Variants in SEMA3E observed in about 807,000 individuals in gnomAD.
SEMA3E encodes semaphorin 3E.
In SEMA3E, 49 loss-of-function variants were observed where a neutral mutation model predicts 93.6. That is an observed-to-expected ratio of 0.52 (90% CI 0.42 to 0.66). SEMA3E has a LOEUF of 0.66. Among genes scored for constraint, SEMA3E ranks in the 30% least tolerant of loss-of-function variants. The pLI is 0.00. For synonymous variants in SEMA3E, 363 were observed against 330.7 expected (o/e 1.10, Z -1.06); for missense variants, 906 against 964.8 (o/e 0.94, Z 0.81).
At chr7:83,629,181 C>A (rs1793735818) in intron 1 of SEMA3E, among the ~76,000 whole-genome samples, 2 of 152,302 alleles carry the variant, frequency 1.3e-5, no homozygotes, top group Middle Eastern at 3.4e-3. Flanking sequence ...CCTCTGGAAG[C>A]TTCATCTGAG....
intron 1 of SEMA3E, among the ~76,000 whole-genome samples, chr7:83,517,436 C>T (rs1790953593): frequency 6.6e-6 from 1 of 152,102 alleles, no homozygotes; most frequent in Non-Finnish European, 1.5e-5. Flanking sequence ...TGCAATTATA[C>T]TCTAGGAAAT....
intron 1 of SEMA3E, among the ~76,000 whole-genome samples, chr7:83,634,346 G>A (rs905725528): frequency 2.6e-5 from 4 of 151,808 alleles, no homozygotes; most frequent in African/African-American, 7.3e-5. Context: ...TTTTATTCTT[G>A]TTTAACTTTA....
chr7:83,537,632 A>G (rs1467088703), intron 1 of SEMA3E, among the ~76,000 whole-genome samples: 1 of 152,160 alleles, frequency 6.6e-6, no homozygotes, highest in African/African-American at 2.4e-5. Flanking sequence ...GTTTACCTTC[A>G]ATCTCTAAAC....
intron 1 of SEMA3E, among the ~76,000 whole-genome samples, chr7:83,524,982 T>A (rs1166459146): frequency 6.6e-6 from 1 of 151,984 alleles, no homozygotes; most frequent in Non-Finnish European, 1.5e-5. Flanking sequence ...TCTTTCTGGA[T>A]TGGCTACTCT....
chr7:83,470,842 G>T (rs960106836), intron 2 of SEMA3E, among the ~76,000 whole-genome samples: 3 of 144,972 alleles, frequency 2.1e-5, no homozygotes, highest in African/African-American at 5.1e-5. Context: ...TAATGTTAAG[G>T]TGTGGTTCCC....
chr7:83,593,695 A>T (rs2115955700), intron 1 of SEMA3E, among the ~76,000 whole-genome samples: 1 of 152,100 alleles, frequency 6.6e-6, no homozygotes, highest in African/African-American at 2.4e-5. Flanking sequence ...CATTTTAAAC[A>T]GACTGAATTT....
At chr7:83,576,472 C>T (rs1792403808) in intron 1 of SEMA3E, among the ~76,000 whole-genome samples, 1 of 151,454 alleles carries the variant, frequency 6.6e-6, no homozygotes, top group Non-Finnish European at 1.5e-5. Context: ...CATGGAATGA[C>T]TACAACTTAC....
intron 1 of SEMA3E, among the ~76,000 whole-genome samples, chr7:83,562,796 A>C (rs1384216501): frequency 6.6e-6 from 1 of 152,062 alleles, no homozygotes; most frequent in African/African-American, 2.4e-5. Context: ...ATCATATCCA[A>C]TCTATCTCCA....
chr7:83,623,000 A>G (rs1249407439), intron 1 of SEMA3E, among the ~76,000 whole-genome samples: 1 of 152,158 alleles, frequency 6.6e-6, no homozygotes, highest in Non-Finnish European at 1.5e-5. Flanking sequence ...AAGTTGATAA[A>G]TAAATAAAAA....
intron 14 of SEMA3E, among the ~76,000 whole-genome samples, chr7:83,391,237 A>G (rs1788011921): frequency 6.6e-6 from 1 of 152,152 alleles, no homozygotes; most frequent in African/African-American, 2.4e-5. Flanking sequence ...AGAATTAAAT[A>G]AAGTATTATA....
intron 16 of SEMA3E, among the ~76,000 whole-genome samples, chr7:83,381,734 C>A (rs755157012): frequency 1.3e-5 from 2 of 151,866 alleles, no homozygotes; most frequent in African/African-American, 4.8e-5. Flanking sequence ...AGATGGAGTA[C>A]TCTGTATTTT....
At chr7:83,641,340 C>G in intron 1 of SEMA3E, 2 of 982,478 alleles carry the variant, frequency 2.0e-6, no homozygotes, top group Non-Finnish European at 2.4e-6. Context: ...ACCTGTTCAT[C>G]TAAGGGAAGG....
At chr7:83,637,678 T>A (rs1344435507) in intron 1 of SEMA3E, among the ~76,000 whole-genome samples, 3 of 152,090 alleles carry the variant, frequency 2.0e-5, no homozygotes, top group African/African-American at 7.3e-5. Flanking sequence ...GAAGGATGTG[T>A]TTGCTTCCCC....
At position 83,405,525 on chromosome 7, in the gene SEMA3E, A is replaced by G; in HGVS notation, c.929-6T>C. 2 of 1,612,196 alleles carry G rather than the reference A, an allele frequency of 1.2e-6. No individual in the cohort carries two copies. The highest frequency in any genetic ancestry group is 1.7e-6 in the Non-Finnish European group (2 of 1,178,542). On this transcript the variant is annotated splice_polypyrimidine_tract_variant and splice_region_variant and intron_variant, in intron 8 of 16. Transcript: ENST00000643230. ...AGGTAGCAAAAAAACGTCCTCTGAA[A>G]AATTAAAGGCCATTCCATCGCTTAG...
At chr7:83,639,089 C>T (rs1336059734) in intron 1 of SEMA3E, among the ~76,000 whole-genome samples, 4 of 107,924 alleles carry the variant, frequency 3.7e-5, no homozygotes, top group Admixed American at 1.4e-4. Context: ...CCAGCCTGGG[C>T]GACAGAGCGA....
Position 83,416,480 on chromosome 7 carries a change from T to C in SEMA3E, c.550+1910A>G, listed in dbSNP as rs995980386. Among the ~76,000 whole-genome samples the C allele has an allele frequency of 4.6e-5, 7 of 152,218 alleles. No individual in the cohort carries two copies. In the East Asian group the frequency reaches 1.4e-3, roughly 29 times the overall value. On this transcript the variant is annotated intron_variant, in intron 5 of 16. Transcript: ENST00000643230. ...TGAGTAGTGAGTGGCAAGGTGGTCA[T>C]AGAAATTATTATTAACTCTTTAAAT...
At chr7:83,396,089 T>TA (rs2115597788) in intron 12 of SEMA3E, among the ~76,000 whole-genome samples, 1 of 151,152 alleles carries the variant, frequency 6.6e-6, no homozygotes, top group East Asian at 2.0e-4. Context: ...ATATGTGCAT[T>TA]TATATATATG....
intron 1 of SEMA3E, among the ~76,000 whole-genome samples, chr7:83,546,321 GGTGTGTGTGTGTGTGTGTGTGTGT>G (rs67647992): frequency 7.7e-6 from 1 of 129,406 alleles, no homozygotes; most frequent in African/African-American, 2.8e-5. Flanking sequence ...TATAATAAGG[GGTGTGTGTGTGTGTGTGTGTGTGT>G]GTGTGTGTGT....
chr7:83,543,296 T>C (rs753791255), intron 1 of SEMA3E, among the ~76,000 whole-genome samples: 5 of 152,010 alleles, frequency 3.3e-5, no homozygotes, highest in Non-Finnish European at 5.9e-5. Flanking sequence ...TTAATTGCCA[T>C]GAATACCCTT....
Sources: gnomAD v4.1 joint callset for allele counts (sites outside exome capture counted in the v4.1 genomes callset) on GRCh38, gnomAD v4.1.1 for gene constraint, MANE v1.5 for transcripts, NCBI Gene and HGNC (gene_info 2026-07-23, HGNC 2026-07-21) for gene names.